Variants in ERBB4 observed in about 807,000 individuals in gnomAD.
The protein encoded by ERBB4 is receptor tyrosine-protein kinase erbB-4.
In ERBB4, 42 loss-of-function variants were observed where a neutral mutation model predicts 158.0. The ratio of observed to expected loss-of-function variants is 0.27; its 90% CI spans 0.21 to 0.34. The LOEUF (loss-of-function observed/expected upper bound fraction) is 0.34. Ranked by LOEUF, ERBB4 falls within the 10% of genes least tolerant of loss-of-function variation. The pLI is 1.00. For synonymous variants in ERBB4, 583 were observed against 558.7 expected (o/e 1.04, Z -0.61); for missense variants, 1,333 against 1,624.1 (o/e 0.82, Z 3.08).
chr2:211,969,905 C>T (rs966574865), intron 2 of ERBB4, among the ~76,000 whole-genome samples: 4 of 151,696 alleles, frequency 2.6e-5, no homozygotes, highest in African/African-American at 9.7e-5. Context: ...AGTTCTGATG[C>T]TGGTTATTTC....
chr2:211,665,610 C>T, intron 14 of ERBB4, 133 bp from the exon 15 acceptor site: 1 of 832,442 alleles, frequency 1.2e-6, no homozygotes, highest in Admixed American at 2.1e-5. Context: ...AGAACATTTT[C>T]AGCAGTGCAA....
chr2:211,595,337 T>C (rs1214646908), intron 19 of ERBB4, among the ~76,000 whole-genome samples: 1 of 152,044 alleles, frequency 6.6e-6, no homozygotes, highest in African/African-American at 2.4e-5. Context: ...AATCTTAAAA[T>C]ACATTTTTAA....
intron 3 of ERBB4, among the ~76,000 whole-genome samples, chr2:211,801,779 CAA>C (rs1442981663): frequency 6.6e-6 from 1 of 152,034 alleles, no homozygotes; most frequent in Non-Finnish European, 1.5e-5. Flanking sequence ...GAGAATAATA[CAA>C]AGAGTATCTT....
In ERBB4 at chr2:211,818,449, C is replaced by T. The variant is rs562199240; in HGVS notation, c.422-30290G>A. Among the ~76,000 whole-genome samples the T allele has an allele frequency of 3.3e-5, 5 of 151,968 alleles. 1 individual carries two copies. Among genetic ancestry groups the T allele is most frequent in the South Asian group, 4.2e-4 (2 of 4,816 alleles). On this transcript the variant is annotated intron_variant, in intron 3 of 27. Coordinates refer to ENST00000342788, the MANE Select transcript of ERBB4 (RefSeq NM_005235.3). ...TTAAGGAGATACGTTAGCTGGGTTT[C>T]GAATTACCAGTATGTGCTAGTTAGA...
At position 211,601,493 on chromosome 2, in the gene ERBB4, GA is replaced by G. The variant is rs541125015; in HGVS notation, c.2301+17683del. ...TCAAGAGCTCAGAACAATGAATGAA[GA>G]AAAAAAAAAGCCCCAACTTTCATTG... On this transcript the variant is annotated intron_variant, in intron 19 of 27. Transcript: ENST00000342788. 1.2e-4 allele frequency among the ~76,000 whole-genome samples: 17 copies of G among 139,266 alleles called. No individual in the cohort carries two copies. In the South Asian group the frequency reaches 2.0e-3, roughly 17 times the overall value. The allele number at this position is 139,266 out of a possible 152,430, so 91.4% of individuals were successfully genotyped here.
chr2:212,377,247 AATAT>A (rs1181412952), intron 1 of ERBB4, among the ~76,000 whole-genome samples: 1 of 148,212 alleles, frequency 6.7e-6, no homozygotes, highest in Non-Finnish European at 1.5e-5. Context: ...AGTTATATAA[AATAT>A]ATATACAAAA....
intron 5 of ERBB4, among the ~76,000 whole-genome samples, chr2:211,747,176 G>T (rs1229751549): frequency 6.6e-6 from 1 of 152,156 alleles, no homozygotes; most frequent in Non-Finnish European, 1.5e-5. Flanking sequence ...GACTGGCCCA[G>T]TCTAGTCAAT....
chr2:211,692,389 C>G (rs2072856251), intron 12 of ERBB4, among the ~76,000 whole-genome samples: 1 of 152,190 alleles, frequency 6.6e-6, no homozygotes, highest in Admixed American at 6.5e-5. Flanking sequence ...TAAAAGAATA[C>G]TGAAATAATT....
intron 17 of ERBB4, among the ~76,000 whole-genome samples, chr2:211,628,430 T>G (rs1419371928): frequency 6.6e-6 from 1 of 152,188 alleles, no homozygotes; most frequent in African/African-American, 2.4e-5. Context: ...TTGGTTTTAT[T>G]GTCCTTGCGA....
At chr2:212,177,503 C>T (rs895319541) in intron 1 of ERBB4, among the ~76,000 whole-genome samples, 1 of 151,850 alleles carries the variant, frequency 6.6e-6, no homozygotes, top group South Asian at 2.1e-4. Flanking sequence ...ATATTCAATG[C>T]TATTTGAGTG....
chr2:211,850,806 A>G lies in ERBB4; in HGVS notation c.422-62647T>C, dbSNP rs149718178. Among the ~76,000 whole-genome samples the G allele has an allele frequency of 2.4e-3, 361 of 152,114 alleles. 4 individuals carry two copies. Among genetic ancestry groups the G allele is most frequent in the African/African-American group, 8.2e-3 (340 of 41,542 alleles). ...AATATTATCTACAGACAGGTAAGAC[A>G]GCACTATCTAAAATTATTTTTCTTT... On this transcript the variant is annotated intron_variant, in intron 3 of 27. Coordinates refer to ENST00000342788, the MANE Select transcript of ERBB4 (RefSeq NM_005235.3).
intron 5 of ERBB4, among the ~76,000 whole-genome samples, chr2:211,733,684 A>G (rs1322948310): frequency 1.3e-5 from 2 of 151,520 alleles, no homozygotes; most frequent in East Asian, 3.8e-4. Flanking sequence ...AAACCAAAAA[A>G]AAAAAATTTA....
At chr2:211,504,948 T>C (rs1260835899) in intron 20 of ERBB4, among the ~76,000 whole-genome samples, 2 of 152,056 alleles carry the variant, frequency 1.3e-5, no homozygotes, top group South Asian at 2.1e-4. Context: ...AAATATAGCA[T>C]ATGAAAAGCA....
At chr2:211,480,588 C>A (rs1160378520) in intron 20 of ERBB4, among the ~76,000 whole-genome samples, 4 of 152,084 alleles carry the variant, frequency 2.6e-5, no homozygotes, top group Non-Finnish European at 5.9e-5. Flanking sequence ...GTCAATTGAA[C>A]CTCTTTTCTT....
At chr2:211,511,311 T>C (rs559652210) in intron 20 of ERBB4, among the ~76,000 whole-genome samples, 80 of 152,162 alleles carry the variant, frequency 5.3e-4, no homozygotes, top group Non-Finnish European at 2.9e-4. Flanking sequence ...TTATAGGTAA[T>C]GTGATTTGAC....
At chr2:211,526,201 C>T (rs1234292009) in intron 20 of ERBB4, among the ~76,000 whole-genome samples, 1 of 152,094 alleles carries the variant, frequency 6.6e-6, no homozygotes, top group Non-Finnish European at 1.5e-5. Flanking sequence ...ATGGTACCTA[C>T]AGGGGTGCTT....
chr2:212,296,369 C>G (rs2086409950), intron 1 of ERBB4, among the ~76,000 whole-genome samples: 2 of 151,580 alleles, frequency 1.3e-5, no homozygotes, highest in South Asian at 4.2e-4. Flanking sequence ...AGGGTGGTTT[C>G]CAATGAGAGA....
chr2:212,156,551 C>A (rs567084414), intron 1 of ERBB4, among the ~76,000 whole-genome samples: 6 of 152,206 alleles, frequency 3.9e-5, no homozygotes, highest in Non-Finnish European at 7.4e-5. Flanking sequence ...TATTTTAAAC[C>A]ACAATATGAT....
At chr2:211,939,984 T>TATAGATAGATAG (rs530567931) in intron 3 of ERBB4, among the ~76,000 whole-genome samples, 4,960 of 141,544 alleles carry the variant, frequency 0.035, 115 homozygotes, top group Admixed American at 0.067. Context: ...TATATATGTA[T>TATAGATAGATAG]ATAGATAGAT....
Sources: allele counts gnomAD v4.1 joint callset (sites outside exome capture counted in the v4.1 genomes callset), GRCh38; gene constraint gnomAD v4.1.1; transcripts MANE v1.5; gene names NCBI Gene and HGNC (gene_info 2026-07-23, HGNC 2026-07-21).